The following GRM8 variants were observed in gnomAD, a reference collection of about 807,000 sequenced individuals.
GRM8 encodes glutamate metabotropic receptor 8, also known as metabotropic glutamate receptor 8.
Under a neutral mutation model 87.2 loss-of-function variants are expected in GRM8, and 47 were observed. The observed-to-expected ratio is 0.54, with a 90% CI of 0.43 to 0.69. The LOEUF (loss-of-function observed/expected upper bound fraction) is 0.69. Among genes scored for constraint, GRM8 ranks in the 30% least tolerant of loss-of-function variants. GRM8 has a pLI of 0.00. For synonymous variants in GRM8, 396 were observed against 404.5 expected (o/e 0.98, Z 0.25); for missense variants, 1,019 against 1,139.2 (o/e 0.89, Z 1.52).
At chr7:126,927,626 T>C (rs1805281139) in intron 3 of GRM8, among the ~76,000 whole-genome samples, 1 of 152,202 alleles carries the variant, frequency 6.6e-6, no homozygotes, top group Admixed American at 6.5e-5. Flanking sequence ...AAGCTCATCA[T>C]CAATGGTCAT....
At chr7:126,856,827 T>TCAAAGTGA in intron 6 of GRM8, among the ~76,000 whole-genome samples, 1 of 152,216 alleles carries the variant, frequency 6.6e-6, no homozygotes, top group Non-Finnish European at 1.5e-5. Context: ...AGTGACATAT[T>TCAAAGTGA]ATCCACTGGA....
intron 6 of GRM8, among the ~76,000 whole-genome samples, chr7:126,792,054 C>G (rs10252394): frequency 0.069 from 10,556 of 152,130 alleles, 1,170 homozygotes; most frequent in African/African-American, 0.24. Context: ...ATTTTAAATG[C>G]TTGTGGTACA....
intron 3 of GRM8, chr7:127,076,253 A>G: frequency 2.2e-6 from 1 of 454,986 alleles, no homozygotes; most frequent in Non-Finnish European, 4.4e-6. Flanking sequence ...ACAAGGAAAG[A>G]AAAATGAGGC....
intron 3 of GRM8, among the ~76,000 whole-genome samples, chr7:126,925,401 TAAC>T (rs1472931847): frequency 1.3e-5 from 2 of 152,186 alleles, no homozygotes; most frequent in Non-Finnish European, 2.9e-5. Context: ...GGAAGGATAA[TAAC>T]AAGCAATCTG....
chr7:126,996,811 A>G (rs1813220322), intron 3 of GRM8, among the ~76,000 whole-genome samples: 1 of 151,996 alleles, frequency 6.6e-6, no homozygotes, highest in Admixed American at 6.6e-5. Flanking sequence ...TATTAGAGCT[A>G]AGGAGAGAGA....
chr7:126,922,824 A>G (rs547550754), intron 3 of GRM8, among the ~76,000 whole-genome samples: 1 of 152,118 alleles, frequency 6.6e-6, no homozygotes, highest in Non-Finnish European at 1.5e-5. Context: ...TGGTTGTTTA[A>G]AAGTATGTAG....
At chr7:127,091,432 C>A (rs2132900619) in intron 3 of GRM8, among the ~76,000 whole-genome samples, 1 of 90,234 alleles carries the variant, frequency 1.1e-5, no homozygotes, top group South Asian at 5.7e-4. Context: ...GACTGGTCAT[C>A]CCCCCACCAC....
intron 9 of GRM8, among the ~76,000 whole-genome samples, chr7:126,521,590 G>A (rs2150793709): frequency 6.6e-6 from 1 of 151,868 alleles, no homozygotes; most frequent in East Asian, 1.9e-4. Flanking sequence ...CAGAATAATT[G>A]AAAATTGACT....
chr7:126,926,600 C>G (rs76461504), intron 3 of GRM8, among the ~76,000 whole-genome samples: 2,113 of 152,306 alleles, frequency 0.014, 46 homozygotes, highest in African/African-American at 0.048. Context: ...TGTTTAAATA[C>G]TTCAATAGCA....
intron 2 of GRM8, chr7:127,229,739 GTCAAATC>G (rs1395502947): frequency 6.6e-6 from 1 of 152,114 alleles, no homozygotes; most frequent in Admixed American, 6.5e-5. Flanking sequence ...TTGGAATATT[GTCAAATC>G]TCAAATTTTT....
chr7:126,692,208 A>C (rs921730947), intron 7 of GRM8, among the ~76,000 whole-genome samples: 1 of 152,234 alleles, frequency 6.6e-6, no homozygotes, highest in Non-Finnish European at 1.5e-5. Context: ...TCTCCATCCA[A>C]CAGTTAGTTC....
At chr7:127,013,116 T>C (rs1270819729) in intron 3 of GRM8, among the ~76,000 whole-genome samples, 1 of 152,168 alleles carries the variant, frequency 6.6e-6, no homozygotes, top group Non-Finnish European at 1.5e-5. Flanking sequence ...GGAATGCTTT[T>C]ACCTGATACC....
chr7:126,646,673 T>A (rs1803131444), intron 7 of GRM8, among the ~76,000 whole-genome samples: 4 of 152,194 alleles, frequency 2.6e-5, no homozygotes. Flanking sequence ...ACTGGATTTA[T>A]CTATAAACTT....
At chr7:126,509,269 A>G (rs921285140) in intron 9 of GRM8, among the ~76,000 whole-genome samples, 1 of 152,078 alleles carries the variant, frequency 6.6e-6, no homozygotes, top group Non-Finnish European at 1.5e-5. Context: ...TTGGCTTCAT[A>G]GCTAATATCA....
At chr7:126,458,384 A>C (rs1252493829) in intron 9 of GRM8, among the ~76,000 whole-genome samples, 1 of 151,170 alleles carries the variant, frequency 6.6e-6, no homozygotes, top group Non-Finnish European at 1.5e-5. Flanking sequence ...GAAATCTGGA[A>C]AGTAATATTA....
chr7:126,890,596 C>T (rs1188144812), intron 6 of GRM8, among the ~76,000 whole-genome samples: 1 of 152,054 alleles, frequency 6.6e-6, no homozygotes, highest in Non-Finnish European at 1.5e-5. Flanking sequence ...ACTACTGCCT[C>T]CCACCCCCTG....
intron 3 of GRM8, among the ~76,000 whole-genome samples, chr7:127,061,651 CTG>C (rs1279505996): frequency 6.6e-6 from 1 of 152,128 alleles, no homozygotes; most frequent in Non-Finnish European, 1.5e-5. Flanking sequence ...TCAAGTTCTA[CTG>C]TGTTTCCAGA....
intron 7 of GRM8, among the ~76,000 whole-genome samples, chr7:126,714,462 C>A (rs1279393517): frequency 1.3e-5 from 2 of 151,928 alleles, no homozygotes; most frequent in Non-Finnish European, 2.9e-5. Context: ...TGGAAAAAAC[C>A]TAAGTTACAG....
intron 3 of GRM8, among the ~76,000 whole-genome samples, chr7:127,085,176 T>C (rs570397084): frequency 3.2e-4 from 49 of 152,362 alleles, no homozygotes; most frequent in Middle Eastern, 3.4e-3. Context: ...TATTCCATGG[T>C]GTATATGTGC....
Sources: gnomAD v4.1 joint callset for allele counts (sites outside exome capture counted in the v4.1 genomes callset) on GRCh38, gnomAD v4.1.1 for gene constraint, MANE v1.5 for transcripts, NCBI Gene and HGNC (gene_info 2026-07-23, HGNC 2026-07-21) for gene names.